Variants in ABCB1 observed in about 807,000 individuals in gnomAD.
ABCB1 encodes the protein ATP binding cassette subfamily B member 1.
A neutral mutation model predicts 142.0 loss-of-function variants in ABCB1; 69 were observed. That is an observed-to-expected ratio of 0.49 (90% CI 0.40 to 0.59). The LOEUF is 0.59. ABCB1 is among the 20% of genes least tolerant of loss of function. The pLI, the probability that ABCB1 is intolerant of heterozygous loss-of-function variation, is 0.00. For synonymous variants in ABCB1, 532 were observed against 539.2 expected (o/e 0.99, Z 0.18); for missense variants, 1,326 against 1,554.7 (o/e 0.85, Z 2.47).
At chr7:87,667,415 A>G (rs779960567) in intron 1 of ABCB1, among the ~76,000 whole-genome samples, 24 of 151,694 alleles carry the variant, frequency 1.6e-4, no homozygotes, top group Admixed American at 6.6e-5. Context: ...TTTTCTAGAT[A>G]TAGAATCATG....
chr7:87,569,206 G>A (rs529950658), intron 5 of ABCB1, among the ~76,000 whole-genome samples: 29 of 151,814 alleles, frequency 1.9e-4, no homozygotes, highest in African/African-American at 5.3e-4. Flanking sequence ...AGTGACACAC[G>A]CCTGTAATCC....
intron 1 of ABCB1, among the ~76,000 whole-genome samples, chr7:87,682,366 A>C (rs777316293): frequency 6.6e-6 from 1 of 152,202 alleles, no homozygotes; most frequent in Non-Finnish European, 1.5e-5. Context: ...GTTCTTGACG[A>C]ATCTTTTCCA....
At chr7:87,585,988 G>A (rs1202182) in intron 3 of ABCB1, among the ~76,000 whole-genome samples, 106,518 of 152,040 alleles carry the variant, frequency 0.7, 37,739 homozygotes, top group East Asian at 0.98. Context: ...TATATAATAT[G>A]GTATTTGTTG....
chr7:87,651,200 T>C (rs2130374559), intron 1 of ABCB1, among the ~76,000 whole-genome samples: 1 of 152,234 alleles, frequency 6.6e-6, no homozygotes, highest in South Asian at 2.1e-4. Context: ...AAAGCTTAAA[T>C]TGAAAGGAAG....
chr7:87,550,220 C>T lies in ABCB1; in HGVS notation c.1301G>A (p.Ser434Asn). 1.2e-6 allele frequency: 2 copies of T among 1,614,214 alleles called. No individual in the cohort carries two copies. Among genetic ancestry groups the T allele is most frequent in the Non-Finnish European group, 8.5e-7 (1 of 1,180,046 alleles). ...CCTCTGCATCAGCTGGACTGTTGTG[C>T]TCTTCCCACAGCCACTGTTTCCAAC... is the stretch of plus-strand genomic sequence containing the variant. ...ALVGNSGCGK[S>N]TTVQLMQRLY... The change falls in exon 12 of 28, where the codon AGC becomes AAC. Residue 434 changes from serine to asparagine, a missense_variant. Physicochemically the swap from Ser to Asn is conservative, Grantham distance 46 (BLOSUM62 1). Coordinates refer to ENST00000622132, the MANE Select transcript of ABCB1 (RefSeq NM_001348946.2).
chr7:87,504,557 C>T (rs1273162350), intron 27 of ABCB1, 108 bp from the exon 28 acceptor site: 15 of 1,482,044 alleles, frequency 1.0e-5, no homozygotes, highest in Non-Finnish European at 1.4e-5. Flanking sequence ...GCCTGTAATC[C>T]CAGCACTTTG....
chr7:87,570,790 C>T (rs1320283619), intron 4 of ABCB1, among the ~76,000 whole-genome samples: 1 of 152,136 alleles, frequency 6.6e-6, no homozygotes, highest in Non-Finnish European at 1.5e-5. Flanking sequence ...CACTCAGACA[C>T]ATATACACAC....
At chr7:87,612,044 G>C (rs1286777979) in intron 1 of ABCB1, among the ~76,000 whole-genome samples, 1 of 152,038 alleles carries the variant, frequency 6.6e-6, no homozygotes, top group African/African-American at 2.4e-5. Flanking sequence ...ACTGAATCTT[G>C]GCACAGGTAG....
chr7:87,610,842 G>C (rs757436046), intron 1 of ABCB1, among the ~76,000 whole-genome samples: 1 of 152,158 alleles, frequency 6.6e-6, no homozygotes, highest in African/African-American at 2.4e-5. Flanking sequence ...GCATATCTAA[G>C]TACATAACAC....
intron 4 of ABCB1, among the ~76,000 whole-genome samples, chr7:87,579,068 AT>A (rs1465126974): frequency 1.3e-5 from 2 of 152,046 alleles, no homozygotes; most frequent in Non-Finnish European, 2.9e-5. Context: ...TTGTATGTTG[AT>A]TTTGTATCTT....
At chr7:87,531,238 ACT>A in intron 21 of ABCB1, 54 bp downstream of exon 21, 1 of 1,460,278 alleles carries the variant, frequency 6.8e-7, no homozygotes, top group Non-Finnish European at 9.6e-7. Context: ...ACAAAATAAC[ACT>A]GATTAGAATA....
chr7:87,507,647 G>C (rs1310558443), intron 26 of ABCB1, among the ~76,000 whole-genome samples: 2 of 152,168 alleles, frequency 1.3e-5, no homozygotes, highest in African/African-American at 2.4e-5. Context: ...AGGGAATCTT[G>C]GGAAAGAGAG....
intron 4 of ABCB1, among the ~76,000 whole-genome samples, chr7:87,570,753 C>T (rs1361897575): frequency 2.0e-5 from 3 of 152,054 alleles, no homozygotes; most frequent in Non-Finnish European, 2.9e-5. Flanking sequence ...CATAACTTTA[C>T]CCCTAACACA....
intron 1 of ABCB1, among the ~76,000 whole-genome samples, chr7:87,619,133 C>T (rs1820129736): frequency 6.6e-6 from 1 of 152,088 alleles, no homozygotes; most frequent in Non-Finnish European, 1.5e-5. Context: ...ATTTGTTATA[C>T]AACAATAGAA....
chr7:87,611,894 A>G (rs1285329018), intron 1 of ABCB1, among the ~76,000 whole-genome samples: 2 of 152,158 alleles, frequency 1.3e-5, no homozygotes, highest in East Asian at 3.8e-4. Flanking sequence ...TAAATTTAAC[A>G]AATATTTATA....
intron 1 of ABCB1, among the ~76,000 whole-genome samples, chr7:87,639,153 C>CAAAAAA (rs71117547): frequency 1.1e-5 from 1 of 87,708 alleles, no homozygotes; most frequent in African/African-American, 4.7e-5. Context: ...GACTCCGTCT[C>CAAAAAA]AAAAAAAAAA....
chr7:87,621,249 G>A (rs1287346308), intron 1 of ABCB1, among the ~76,000 whole-genome samples: 1 of 152,052 alleles, frequency 6.6e-6, no homozygotes, highest in African/African-American at 2.4e-5. Flanking sequence ...CTTACGAGAT[G>A]TTAAAAATAA....
chr7:87,617,853 C>G (rs977590803), intron 1 of ABCB1, among the ~76,000 whole-genome samples: 2 of 152,088 alleles, frequency 1.3e-5, no homozygotes. Flanking sequence ...GATCAGTGAG[C>G]CTGTGAATAA....
chr7:87,568,713 G>C (rs1390035696), intron 5 of ABCB1, among the ~76,000 whole-genome samples: 3 of 152,176 alleles, frequency 2.0e-5, no homozygotes, highest in Non-Finnish European at 4.4e-5. Context: ...TATCAAGGAA[G>C]ATGTAATTAG....
Sources: gnomAD v4.1 joint callset for allele counts (sites outside exome capture counted in the v4.1 genomes callset) on GRCh38, gnomAD v4.1.1 for gene constraint, MANE v1.5 for transcripts, NCBI Gene and HGNC (gene_info 2026-07-23, HGNC 2026-07-21) for gene names.